CELF5: variants seen among roughly 807,000 people sequenced by gnomAD.
CELF5 encodes CUGBP Elav-like family member 5.
Under a neutral mutation model 54.9 loss-of-function variants are expected in CELF5, and 6 were observed. The ratio of observed to expected loss-of-function variants is 0.11; its 90% CI spans 0.06 to 0.22. The LOEUF (loss-of-function observed/expected upper bound fraction) is 0.22. Ranked by LOEUF, CELF5 falls within the 10% of genes least tolerant of loss-of-function variation. CELF5 has a pLI of 1.00. For missense variants in CELF5, 401 were observed against 678.6 expected, an observed-to-expected ratio of 0.59 and a Z score of 4.54; for synonymous variants, 271 against 290.9, an observed-to-expected ratio of 0.93 and a Z score of 0.70.
chr19:3,232,030 G>A (rs933824560), intron 1 of CELF5, among the ~76,000 whole-genome samples: 7 of 151,950 alleles, frequency 4.6e-5, no homozygotes, highest in African/African-American at 1.7e-4. Context: ...GGGATAGACT[G>A]AAGGATGGAA....
At chr19:3,266,701 A>T (rs1208037151) in intron 2 of CELF5, among the ~76,000 whole-genome samples, 1 of 152,198 alleles carries the variant, frequency 6.6e-6, no homozygotes, top group African/African-American at 2.4e-5. Flanking sequence ...CCTGCTTGGC[A>T]AAGGTGAGAC....
chr19:3,245,513 C>G (rs1362557002), intron 1 of CELF5, among the ~76,000 whole-genome samples: 1 of 151,204 alleles, frequency 6.6e-6, no homozygotes, highest in Admixed American at 6.6e-5. Flanking sequence ...CACCTACCCA[C>G]TCCCTAGCCT....
intron 2 of CELF5, among the ~76,000 whole-genome samples, chr19:3,270,143 C>A (rs769174660): frequency 3.3e-5 from 5 of 152,110 alleles, no homozygotes; most frequent in Non-Finnish European, 7.3e-5. Context: ...AGCTCCAACC[C>A]TGACCCCATG....
chr19:3,226,193 C>T (rs1599373537), intron 1 of CELF5, among the ~76,000 whole-genome samples: 1 of 152,256 alleles, frequency 6.6e-6, no homozygotes, highest in Admixed American at 6.5e-5. Flanking sequence ...GGGCCCATGA[C>T]CTATTTTACA....
intron 2 of CELF5, among the ~76,000 whole-genome samples, chr19:3,265,249 GA>G (rs1420006460): frequency 1.2e-4 from 18 of 152,146 alleles, no homozygotes; most frequent in African/African-American, 4.3e-4. Flanking sequence ...GAGGTGGGAG[GA>G]GCATTTGAGC....
chr19:3,238,752 C>T (rs2079451022), intron 1 of CELF5, among the ~76,000 whole-genome samples: 1 of 152,006 alleles, frequency 6.6e-6, no homozygotes, highest in South Asian at 2.1e-4. Flanking sequence ...GCCAACATGA[C>T]GAAACCCTGT....
intron 1 of CELF5, among the ~76,000 whole-genome samples, chr19:3,247,300 G>T (rs915222865): frequency 1.3e-5 from 2 of 151,920 alleles, no homozygotes; most frequent in Non-Finnish European, 2.9e-5. Context: ...CTAATTTTTT[G>T]TATTTTTAGT....
chr19:3,235,674 ATGGATGTG>A (rs1383331190), intron 1 of CELF5, among the ~76,000 whole-genome samples: 3 of 47,266 alleles, frequency 6.3e-5, no homozygotes, highest in Non-Finnish European at 1.4e-4. Flanking sequence ...GGATGGATGG[ATGGATGTG>A]TGGATGGGTG....
intron 10 of CELF5, among the ~76,000 whole-genome samples, chr19:3,289,681 CAAAAAAAAAAA>C (rs35144942): frequency 7.2e-4 from 34 of 47,134 alleles, no homozygotes; most frequent in South Asian, 2.5e-3. Flanking sequence ...GACTCCATCT[CAAAAAAAAAAA>C]AAAAAAAAAA....
Position 3,278,633 on chromosome 19 carries a change from G to A in CELF5, c.603+523G>A, listed in dbSNP as rs2080096550. On this transcript the variant is annotated intron_variant, in intron 5 of 12. Transcript: ENST00000292672. This position sits in a 1 kb window ranked among gnomAD's most constrained non-coding sequence, Gnocchi z 4.5. ...GTGTGAGTATGCCTGGGCCACGGGG[G>A]AGGAAGCACATGTGTGTGCATCTGC... 6.6e-6 allele frequency among the ~76,000 whole-genome samples: 1 copy of A among 151,976 alleles called. No individual in the cohort carries two copies. Among genetic ancestry groups the A allele is most frequent in the African/African-American group, 2.4e-5 (1 of 41,356 alleles).
In CELF5 at chr19:3,225,479, C is replaced by T. The variant is rs1036630452; in HGVS notation, c.259+481C>T. On this transcript the variant is annotated intron_variant, in intron 1 of 12. Transcript: ENST00000292672. ...GGCACCCCTCCCTGCCCCCCCACCC[C>T]CATTCATTCAGCCTCCCCAGGCCCC... 5 of 653,140 alleles carry T rather than the reference C, an allele frequency of 7.7e-6. No homozygotes were observed. The African/African-American group carries it at 1.1e-4, about 14-fold the overall frequency. The allele number at this position is 653,140 out of a possible 1,614,324, so 40.5% of individuals were successfully genotyped here. A position where few individuals can be genotyped will look rare whatever the true frequency, so the allele number is the denominator to read the frequency against.
rs774367754 is a variant in CELF5, at chr19:3,290,389, AC to A, written c.1330+16del. 6.8e-6 allele frequency: 11 copies of A among 1,611,014 alleles called. No individual in the cohort carries two copies. The South Asian group carries it at 1.2e-4, about 18-fold the overall frequency. On this transcript the variant is annotated intron_variant, in intron 11 of 12. Coordinates refer to ENST00000292672, the MANE Select transcript of CELF5 (RefSeq NM_021938.4). ...CAAGTGTTTCGGTGAGTGGCCGCCGACGCCACCCCTCCCCATCCACCTCCCT... is the reference window on the plus strand; with the variant it reads ...CAAGTGTTTCGGTGAGTGGCCGCCGAGCCACCCCTCCCCATCCACCTCCCT...
At chr19:3,237,918 G>A (rs1448982366) in intron 1 of CELF5, among the ~76,000 whole-genome samples, 3 of 151,820 alleles carry the variant, frequency 2.0e-5, no homozygotes, top group Admixed American at 6.6e-5. Context: ...GCCTGGTGGC[G>A]GGCGCCTATA....
intron 2 of CELF5, among the ~76,000 whole-genome samples, chr19:3,255,926 G>A (rs571196953): frequency 3.9e-5 from 6 of 152,120 alleles, no homozygotes; most frequent in East Asian, 1.9e-4. Context: ...TTAGCTGGGC[G>A]TGGTGGCAGG....
chr19:3,278,395 G>A lies in CELF5; in HGVS notation c.603+285G>A, dbSNP rs888407838. On this transcript the variant is annotated intron_variant, in intron 5 of 12. Coordinates refer to ENST00000292672, the MANE Select transcript of CELF5 (RefSeq NM_021938.4). This position sits in a 1 kb window ranked among gnomAD's most constrained non-coding sequence, Gnocchi z 4.5. ...CGTGTGGGTGAGTGTGCATGTCTGGGTGTGAGTGTGCCCGAGACTGCATGC... is the reference window on the plus strand; with the variant it reads ...CGTGTGGGTGAGTGTGCATGTCTGGATGTGAGTGTGCCCGAGACTGCATGC... Among the ~76,000 whole-genome samples, 7 of 151,844 alleles carry A rather than the reference G, an allele frequency of 4.6e-5. No homozygotes were observed. The South Asian group carries it at 1.5e-3, about 32-fold the overall frequency.
chr19:3,265,169 T>A (rs1195071396), intron 2 of CELF5, among the ~76,000 whole-genome samples: 2 of 152,068 alleles, frequency 1.3e-5, no homozygotes, highest in Non-Finnish European at 2.9e-5. Flanking sequence ...AGACCCCATC[T>A]CTACAAAAAA....
chr19:3,270,915 C>A (rs1044275159), intron 2 of CELF5, among the ~76,000 whole-genome samples: 2 of 151,904 alleles, frequency 1.3e-5, no homozygotes, highest in African/African-American at 4.8e-5. Flanking sequence ...ACCAGCCCCC[C>A]AACCCCAGAA....
intron 1 of CELF5, among the ~76,000 whole-genome samples, chr19:3,231,560 G>A (rs1456497638): frequency 6.6e-6 from 1 of 150,818 alleles, no homozygotes; most frequent in Non-Finnish European, 1.5e-5. Flanking sequence ...TAGATGGGTG[G>A]GTGGATGGAT....
intron 2 of CELF5, among the ~76,000 whole-genome samples, chr19:3,267,470 C>T (rs1258441510): frequency 2.0e-5 from 3 of 152,186 alleles, no homozygotes; most frequent in Admixed American, 6.5e-5. Context: ...CTGGCTGGGC[C>T]GTCACAGCCC....
Sources: gnomAD v4.1 joint callset for allele counts (sites outside exome capture counted in the v4.1 genomes callset) on GRCh38, gnomAD v4.1.1 for gene constraint, Gnocchi (gnomAD v3.1) non-coding constraint, MANE v1.5 for transcripts, NCBI Gene and HGNC (gene_info 2026-07-23, HGNC 2026-07-21) for gene names.